ATG7: variants seen among roughly 807,000 people sequenced by gnomAD.
ATG7 encodes autophagy related 7, also known as ubiquitin-like modifier-activating enzyme ATG7.
In ATG7, 70 loss-of-function variants were observed where a neutral mutation model predicts 82.4. The observed-to-expected ratio is 0.85, with a 90% CI of 0.70 to 1.04. The LOEUF (loss-of-function observed/expected upper bound fraction) is 1.04. Ranked by LOEUF, ATG7 falls within the 50% of genes least tolerant of loss-of-function variation. The pLI, the probability that ATG7 is intolerant of heterozygous loss-of-function variation, is 0.00. For missense variants in ATG7, 792 were observed against 864.3 expected (o/e 0.92, Z 1.05); for synonymous variants, 287 against 313.0 (o/e 0.92, Z 0.88).
At chr3:11,427,257 C>T (rs970528769) in intron 20 of ATG7, among the ~76,000 whole-genome samples, 1 of 152,036 alleles carries the variant, frequency 6.6e-6, no homozygotes, top group Non-Finnish European at 1.5e-5. Flanking sequence ...GTCCATATAT[C>T]AAAATGTAAG....
intron 18 of ATG7, among the ~76,000 whole-genome samples, chr3:11,379,502 G>A (rs1335641843): frequency 6.6e-6 from 1 of 151,990 alleles, no homozygotes; most frequent in African/African-American, 2.4e-5. Context: ...ATATGTCTAG[G>A]GCCATTTCGG....
intron 20 of ATG7, among the ~76,000 whole-genome samples, chr3:11,483,438 A>G (rs944026893): frequency 1.3e-5 from 2 of 152,192 alleles, no homozygotes; most frequent in Non-Finnish European, 2.9e-5. Context: ...AAGTAGGATT[A>G]TCTTTCCCTT....
Position 11,325,434 on chromosome 3 carries a change from G to A in ATG7, c.679-5906G>A, listed in dbSNP as rs370917723. ...CGCCTGTAATCACAGCACTTTGGGA[G>A]GCCAAGGTGGGCAGATCACCTGAGG... is the stretch of plus-strand genomic sequence containing the variant. On this transcript the variant is annotated intron_variant, in intron 9 of 20. Transcript: ENST00000693202. 2.0e-5 allele frequency among the ~76,000 whole-genome samples: 3 copies of A among 152,328 alleles called. No individual in the cohort carries two copies. The South Asian group carries it at 6.2e-4, about 32-fold the overall frequency.
chr3:11,307,534 C>T (rs1033086829), intron 6 of ATG7, among the ~76,000 whole-genome samples: 1 of 152,222 alleles, frequency 6.6e-6, no homozygotes, highest in African/African-American at 2.4e-5. Context: ...TGTGGCCTGG[C>T]CCTGTTTTCC....
At chr3:11,315,291 C>T (rs997987622) in intron 8 of ATG7, 53 bp from the exon 9 acceptor site, 10 of 1,429,250 alleles carry the variant, frequency 7.0e-6, no homozygotes, top group African/African-American at 2.9e-5. Context: ...GTTTTTAGCC[C>T]AGAACTAGAA....
intron 19 of ATG7, among the ~76,000 whole-genome samples, chr3:11,401,758 C>G (rs1014978564): frequency 2.6e-5 from 4 of 152,192 alleles, no homozygotes. Flanking sequence ...GTCCCACAAC[C>G]TGTGTACTCC....
chr3:11,540,941 C>G (rs1033731652), intron 20 of ATG7, among the ~76,000 whole-genome samples: 1 of 150,186 alleles, frequency 6.7e-6, no homozygotes, highest in South Asian at 2.1e-4. Context: ...GCTCTGTCGC[C>G]CAGGCTGGAG....
chr3:11,512,071 C>T (rs1222092274), intron 20 of ATG7, among the ~76,000 whole-genome samples: 1 of 152,216 alleles, frequency 6.6e-6, no homozygotes, highest in Non-Finnish European at 1.5e-5. Flanking sequence ...TGAAGGGCTC[C>T]TCAAATGCCA....
chr3:11,399,611 A>G lies in ATG7; in HGVS notation c.1956+19559A>G, dbSNP rs551204644. Among the ~76,000 whole-genome samples, 14 of 150,230 alleles carry G rather than the reference A, an allele frequency of 9.3e-5. 1 individual carries two copies. The East Asian group carries it at 2.2e-3, about 23-fold the overall frequency. On this transcript the variant is annotated intron_variant, in intron 19 of 20. Transcript: ENST00000693202. ...CTTCCTTTTTTGACAGTCTCACTCTATCGCCCAGGCTAGAGTGCAGTGACA... is the reference window on the plus strand; with the variant it reads ...CTTCCTTTTTTGACAGTCTCACTCTGTCGCCCAGGCTAGAGTGCAGTGACA...
chr3:11,398,487 T>A (rs908285164), intron 19 of ATG7, among the ~76,000 whole-genome samples: 2 of 152,186 alleles, frequency 1.3e-5, no homozygotes. Context: ...TAATTAAGGA[T>A]GACATAATGG....
At chr3:11,448,018 T>C (rs1332747915) in intron 20 of ATG7, among the ~76,000 whole-genome samples, 2 of 152,220 alleles carry the variant, frequency 1.3e-5, no homozygotes, top group East Asian at 3.8e-4. Context: ...TGCTTTTCTA[T>C]CAGCAATTCA....
intron 20 of ATG7, among the ~76,000 whole-genome samples, chr3:11,471,841 G>A (rs975707512): frequency 1.4e-5 from 2 of 141,496 alleles, no homozygotes; most frequent in Non-Finnish European, 3.0e-5. Flanking sequence ...AGGTTCAAGC[G>A]ATTCTCCTGC....
chr3:11,537,070 T>C (rs1203238390), intron 20 of ATG7, among the ~76,000 whole-genome samples: 1 of 152,116 alleles, frequency 6.6e-6, no homozygotes, highest in Non-Finnish European at 1.5e-5. Flanking sequence ...TCCATCCCTC[T>C]GCACAGGGCC....
At chr3:11,516,040 A>G (rs916090475) in intron 20 of ATG7, among the ~76,000 whole-genome samples, 6 of 151,526 alleles carry the variant, frequency 4.0e-5, no homozygotes, top group African/African-American at 1.5e-4. Context: ...TTAAAAAAAA[A>G]AAAAAACAAA....
the ATG7 span, among the ~76,000 whole-genome samples, chr3:11,571,387 A>G: frequency 6.6e-6 from 1 of 152,194 alleles, no homozygotes; most frequent in African/African-American, 2.4e-5. Flanking sequence ...TTCCCCCATT[A>G]ACTCTCCATA....
intron 4 of ATG7, 69 bp from the exon 5 acceptor site, chr3:11,299,293 T>A: frequency 6.8e-7 from 1 of 1,474,170 alleles, no homozygotes; most frequent in Non-Finnish European, 9.5e-7. Flanking sequence ...AAACTATTCA[T>A]AAGCATTTTT....
At chr3:11,331,866 A>G (rs188493469) in intron 10 of ATG7, among the ~76,000 whole-genome samples, 1 of 152,362 alleles carries the variant, frequency 6.6e-6, no homozygotes, top group Non-Finnish European at 1.5e-5. Flanking sequence ...GGAAATAAAA[A>G]TTAAAACCAT....
At chr3:11,468,881 A>G (rs551344744) in intron 20 of ATG7, among the ~76,000 whole-genome samples, 8 of 152,188 alleles carry the variant, frequency 5.3e-5, no homozygotes, top group Non-Finnish European at 1.2e-4. Context: ...GACCTAATGT[A>G]TTTTTGTAAT....
chr3:11,445,058 G>A (rs994233877), intron 20 of ATG7, among the ~76,000 whole-genome samples: 1 of 152,294 alleles, frequency 6.6e-6, no homozygotes, highest in South Asian at 2.1e-4. Context: ...AACAATAGAT[G>A]CTGGCGAGGT....
Sources: gnomAD v4.1 joint callset for allele counts (sites outside exome capture counted in the v4.1 genomes callset) on GRCh38, gnomAD v4.1.1 for gene constraint, MANE v1.5 for transcripts, NCBI Gene and HGNC (gene_info 2026-07-23, HGNC 2026-07-21) for gene names.